The following MCC variants were observed in gnomAD, a reference collection of about 807,000 sequenced individuals.
MCC encodes colorectal mutant cancer protein.
Under a neutral mutation model 116.2 loss-of-function variants are expected in MCC, and 90 were observed. The observed-to-expected ratio is 0.77, with a 90% CI of 0.65 to 0.92. MCC has a LOEUF of 0.92. Among genes scored for constraint, MCC ranks in the 40% least tolerant of loss-of-function variants. MCC has a pLI of 0.00. For missense variants in MCC, 1,516 were observed against 1,312.2 expected, an observed-to-expected ratio of 1.16 and a Z score of -2.40; for synonymous variants, 578 against 510.5, an observed-to-expected ratio of 1.13 and a Z score of -1.78.
At chr5:113,481,856 C>A (rs1328316737) in intron 1 of MCC, among the ~76,000 whole-genome samples, 1 of 152,164 alleles carries the variant, frequency 6.6e-6, no homozygotes, top group Non-Finnish European at 1.5e-5. Flanking sequence ...GTAAAACTAT[C>A]ACTACAACCA....
chr5:113,470,290 A>T (rs1772048067), intron 1 of MCC, among the ~76,000 whole-genome samples: 1 of 152,134 alleles, frequency 6.6e-6, no homozygotes, highest in South Asian at 2.1e-4. Flanking sequence ...TCGTCTTTAC[A>T]ATTTGGCATG....
intron 17 of MCC, among the ~76,000 whole-genome samples, chr5:113,039,727 C>A (rs1751571157): frequency 1.4e-5 from 2 of 147,648 alleles, no homozygotes; most frequent in Non-Finnish European, 3.0e-5. Context: ...CCCCCCAACC[C>A]ACCCCAGGAT....
chr5:113,288,291 C>G (rs971372), intron 3 of MCC, among the ~76,000 whole-genome samples: 52,841 of 152,166 alleles, frequency 0.35, 11,017 homozygotes, highest in African/African-American at 0.57. Context: ...GCCTGCAGGG[C>G]TGGGAAAGCC....
intron 8 of MCC, among the ~76,000 whole-genome samples, chr5:113,093,967 C>G (rs551156313): frequency 6.6e-6 from 1 of 152,310 alleles, no homozygotes; most frequent in African/African-American, 2.4e-5. Flanking sequence ...GATTCCCACA[C>G]TATAGAATGG....
At chr5:113,321,278 T>C (rs1767416820) in intron 3 of MCC, among the ~76,000 whole-genome samples, 1 of 152,172 alleles carries the variant, frequency 6.6e-6, no homozygotes, top group Non-Finnish European at 1.5e-5. Flanking sequence ...GTAAAATAAA[T>C]AGGAAAACTT....
intron 3 of MCC, among the ~76,000 whole-genome samples, chr5:113,231,914 A>G (rs1320360121): frequency 6.6e-6 from 1 of 152,126 alleles, no homozygotes; most frequent in East Asian, 1.9e-4. Flanking sequence ...AATCCCCAGT[A>G]ATCTCTAGTT....
intron 3 of MCC, among the ~76,000 whole-genome samples, chr5:113,187,046 A>G (rs1761929005): frequency 1.3e-5 from 2 of 152,230 alleles, no homozygotes; most frequent in Admixed American, 6.5e-5. Context: ...GTGCTGGCCT[A>G]TAAGATACAG....
At chr5:113,167,830 A>C (rs7717494) in intron 3 of MCC, among the ~76,000 whole-genome samples, 36,715 of 151,868 alleles carry the variant, frequency 0.24, 4,769 homozygotes, top group African/African-American at 0.34. Flanking sequence ...AGGTCTTGTT[A>C]TGTTGCCCAG....
intron 1 of MCC, among the ~76,000 whole-genome samples, chr5:113,415,986 T>C (rs1770133467): frequency 6.6e-6 from 1 of 152,222 alleles, no homozygotes; most frequent in South Asian, 2.1e-4. Flanking sequence ...ATGTTGATGC[T>C]ATTCCCTGTT....
In MCC at chr5:113,108,510, G is replaced by A. The variant is rs984018608; in HGVS notation, c.1028-4155C>T. On this transcript the variant is annotated intron_variant, in intron 6 of 18. Transcript: ENST00000408903. ...TCTACTAAAAATACAAACATTAGCA[G>A]GGCATAGTGGTGCGGGCCTGTAATC... Among the ~76,000 whole-genome samples the A allele has an allele frequency of 9.2e-5, 14 of 151,594 alleles. 1 individual carries two copies. Among genetic ancestry groups the A allele is most frequent in the Middle Eastern group, 3.5e-3 (1 of 288 alleles).
rs1362808174 is a variant in MCC at position 113,022,711 on chromosome 5, G to T, written c.*4591C>A. ...GGAATGGTAGAACCAGAATTACTAA[G>T]TACGGCATCAGTGTGAATGTGGGGG... On this transcript the variant is annotated 3_prime_UTR_variant, in exon 19 of 19. Coordinates refer to ENST00000408903, the MANE Select transcript of MCC (RefSeq NM_001085377.2). The T allele has an allele frequency of 6.6e-6, 1 of 152,212 alleles. No individual in the cohort carries two copies. Among genetic ancestry groups the T allele is most frequent in the Non-Finnish European group, 1.5e-5 (1 of 68,032 alleles). The allele number at this position is 152,212 out of a possible 1,614,324, so 9.4% of individuals were successfully genotyped here.
intron 17 of MCC, among the ~76,000 whole-genome samples, chr5:113,036,318 G>A (rs1252996667): frequency 2.0e-5 from 3 of 152,074 alleles, no homozygotes; most frequent in East Asian, 1.9e-4. Context: ...GATTACAGGC[G>A]TGAGCCACCG....
At chr5:113,132,407 C>CATATATATACACACAT (rs1474429834) in intron 5 of MCC, among the ~76,000 whole-genome samples, 18 of 62,566 alleles carry the variant, frequency 2.9e-4, no homozygotes, top group East Asian at 2.1e-3. Flanking sequence ...TACATACATA[C>CATATATATACACACAT]ATATATATAT....
At chr5:113,389,045 A>G (rs10041899) in intron 1 of MCC, among the ~76,000 whole-genome samples, 1 of 152,016 alleles carries the variant, frequency 6.6e-6, no homozygotes, top group East Asian at 1.9e-4. Context: ...GAAAATTACA[A>G]TCATCTATAC....
chr5:113,330,685 A>G (rs757111876), intron 3 of MCC, among the ~76,000 whole-genome samples: 19 of 152,222 alleles, frequency 1.2e-4, no homozygotes, highest in South Asian at 2.1e-4. Flanking sequence ...CACAAAAGGA[A>G]AGGCAAAGAA....
At chr5:113,044,196 T>C (rs951104238) in intron 16 of MCC, among the ~76,000 whole-genome samples, 1 of 152,140 alleles carries the variant, frequency 6.6e-6, no homozygotes, top group African/African-American at 2.4e-5. Flanking sequence ...CTCCTTTAGA[T>C]TTAGGAGCCT....
rs1308362408 is a variant in MCC at position 113,024,015 on chromosome 5, A to ATAGTT, written c.*3282_*3286dup. Reference sequence around the variant, plus strand: ...CAGTTAGGAACCAGAAGACTTTCAGATAGTTTCATGTTTTCCTTAGAGTGG... The same window carrying ATAGTT: ...CAGTTAGGAACCAGAAGACTTTCAGATAGTTTAGTTTCATGTTTTCCTTAGAGTGG... On this transcript the variant is annotated 3_prime_UTR_variant, in exon 19 of 19. Transcript: ENST00000408903. 5 of 146,584 alleles carry ATAGTT rather than the reference A, an allele frequency of 3.4e-5. No individual in the cohort carries two copies. In the Admixed American group the frequency reaches 3.4e-4, roughly 10 times the overall value. The allele number at this position is 146,584 out of a possible 1,614,324, so 9.1% of individuals were successfully genotyped here.
intron 3 of MCC, among the ~76,000 whole-genome samples, chr5:113,220,057 C>CTCTTTTTTT (rs1763483217): frequency 3.8e-5 from 3 of 79,498 alleles, no homozygotes; most frequent in Non-Finnish European, 1.0e-4. Flanking sequence ...ATGTCAATTT[C>CTCTTTTTTT]TTTTTCTTTT....
intron 1 of MCC, among the ~76,000 whole-genome samples, chr5:113,420,849 G>A (rs978844675): frequency 1.1e-4 from 16 of 151,936 alleles, no homozygotes; most frequent in African/African-American, 2.9e-4. Flanking sequence ...CTGCCTTTCC[G>A]GGGATATATC....
Sources: gnomAD v4.1 joint callset for allele counts (sites outside exome capture counted in the v4.1 genomes callset) on GRCh38, gnomAD v4.1.1 for gene constraint, MANE v1.5 for transcripts, NCBI Gene and HGNC (gene_info 2026-07-23, HGNC 2026-07-21) for gene names.